RANBP2: variants seen among roughly 807,000 people sequenced by gnomAD.
The protein encoded by RANBP2 is E3 SUMO-protein ligase RanBP2.
A neutral mutation model predicts 303.6 loss-of-function variants in RANBP2; 57 were observed. That is an observed-to-expected ratio of 0.19 (90% CI 0.15 to 0.23). RANBP2 has a LOEUF of 0.23. Ranked by LOEUF, RANBP2 falls within the 10% of genes least tolerant of loss-of-function variation. RANBP2 has a pLI of 1.00. For synonymous variants in RANBP2, 1,167 were observed against 1,301.5 expected, an observed-to-expected ratio of 0.90 and a Z score of 2.23; for missense variants, 3,138 against 3,780.8, an observed-to-expected ratio of 0.83 and a Z score of 4.46.
the RANBP2 span, among the ~76,000 whole-genome samples, chr2:109,320,205 C>T: frequency 6.6e-6 from 1 of 152,170 alleles, no homozygotes; most frequent in Admixed American, 6.5e-5. Context: ...CTCTGCTCGG[C>T]TCATTGACTC....
chr2:109,218,034 G>A, the RANBP2 span, among the ~76,000 whole-genome samples: 1 of 152,192 alleles, frequency 6.6e-6, no homozygotes, highest in Non-Finnish European at 1.5e-5. Flanking sequence ...GGTGCCACAA[G>A]TGAAGCAAGT....
chr2:109,502,664 G>T, the RANBP2 span: 3 of 152,120 alleles, frequency 2.0e-5, no homozygotes, highest in Non-Finnish European at 2.9e-5. Flanking sequence ...AGACGGTGAT[G>T]ATTATTATTC....
the RANBP2 span, among the ~76,000 whole-genome samples, chr2:109,055,931 C>T: frequency 1.1e-4 from 16 of 146,598 alleles, no homozygotes; most frequent in East Asian, 6.3e-4. Flanking sequence ...AGCTAATTTT[C>T]GCATTTTTAG....
At chr2:109,240,596 T>A in the RANBP2 span, among the ~76,000 whole-genome samples, 2 of 152,022 alleles carry the variant, frequency 1.3e-5, no homozygotes, top group African/African-American at 4.8e-5. Context: ...ATAAATAGGT[T>A]TTTCATTGCT....
the RANBP2 span, among the ~76,000 whole-genome samples, chr2:109,256,921 G>A: frequency 1.1e-4 from 16 of 152,262 alleles, no homozygotes; most frequent in African/African-American, 2.6e-4. Flanking sequence ...TTTCATGAAC[G>A]GTGGTGGATG....
the RANBP2 span, among the ~76,000 whole-genome samples, chr2:109,590,561 A>C: frequency 6.6e-6 from 1 of 152,040 alleles, no homozygotes; most frequent in African/African-American, 2.4e-5. Flanking sequence ...CCTCTCGAGC[A>C]GCTAGGATTA....
the RANBP2 span, among the ~76,000 whole-genome samples, chr2:109,099,737 G>A: frequency 2.6e-5 from 4 of 152,140 alleles, no homozygotes; most frequent in African/African-American, 9.7e-5. Context: ...GCGGAGCCAG[G>A]AGTCCACATC....
At chr2:109,708,433 G>A in the RANBP2 span, among the ~76,000 whole-genome samples, 54 of 151,876 alleles carry the variant, frequency 3.6e-4, no homozygotes, top group South Asian at 9.8e-3. Flanking sequence ...AGAGGTGGGC[G>A]AATCTCTTGA....
chr2:109,571,898 CTT>C, the RANBP2 span, among the ~76,000 whole-genome samples: 80 of 152,208 alleles, frequency 5.3e-4, 6 homozygotes, highest in African/African-American at 2.4e-5. Context: ...CTGGCTAACA[CTT>C]CTTAAAGACT....
At chr2:109,313,272 C>T in the RANBP2 span, among the ~76,000 whole-genome samples, 1 of 152,222 alleles carries the variant, frequency 6.6e-6, no homozygotes, top group South Asian at 2.1e-4. Flanking sequence ...AAGGCCCAGG[C>T]CTTACCCCAA....
At chr2:109,295,551 A>G in the RANBP2 span, among the ~76,000 whole-genome samples, 157 of 152,280 alleles carry the variant, frequency 1.0e-3, no homozygotes, top group Non-Finnish European at 2.0e-3. Flanking sequence ...ATGTTGAGAG[A>G]AGGAGGTCTC....
the RANBP2 span, among the ~76,000 whole-genome samples, chr2:109,717,258 A>G: frequency 1.4e-5 from 2 of 146,240 alleles, no homozygotes; most frequent in African/African-American, 5.0e-5. Flanking sequence ...CAAAAATGAA[A>G]ATTAAAAACA....
At chr2:109,640,684 A>C in the RANBP2 span, among the ~76,000 whole-genome samples, 3 of 152,066 alleles carry the variant, frequency 2.0e-5, no homozygotes, top group Non-Finnish European at 4.4e-5. Flanking sequence ...AACTGCTCTT[A>C]GGAGTCCCGG....
chr2:108,905,151 G>A, the RANBP2 span, among the ~76,000 whole-genome samples: 1 of 152,308 alleles, frequency 6.6e-6, no homozygotes, highest in East Asian at 1.9e-4. Flanking sequence ...GGGCAGAGAG[G>A]GTGTTAAGAC....
chr2:109,321,187 A>C, the RANBP2 span, among the ~76,000 whole-genome samples: 1 of 152,258 alleles, frequency 6.6e-6, no homozygotes, highest in African/African-American at 2.4e-5. Context: ...AGCTCTTCAC[A>C]TTCTTTGAGG....
the RANBP2 span, among the ~76,000 whole-genome samples, chr2:109,450,954 G>A: frequency 3.3e-5 from 5 of 152,162 alleles, no homozygotes; most frequent in African/African-American, 1.2e-4. Context: ...TCTCTTTCTC[G>A]AGGACATTGC....
At chr2:109,677,455 C>A in the RANBP2 span, among the ~76,000 whole-genome samples, 1 of 152,222 alleles carries the variant, frequency 6.6e-6, no homozygotes. Context: ...ATGTACCCAA[C>A]AGAGCCCCTT....
the RANBP2 span, among the ~76,000 whole-genome samples, chr2:109,108,919 G>A: frequency 8.7e-5 from 13 of 149,324 alleles, no homozygotes; most frequent in East Asian, 2.1e-3. Flanking sequence ...AGGCTCAGGC[G>A]TCAGCAAGTT....
the RANBP2 span, among the ~76,000 whole-genome samples, chr2:109,078,329 T>C: frequency 1.4e-5 from 2 of 138,736 alleles, 1 homozygote; most frequent in Non-Finnish European, 3.1e-5. Flanking sequence ...AGTGGAGTAT[T>C]ATTCAGCCTT....
Sources: gnomAD v4.1 joint callset for allele counts (sites outside exome capture counted in the v4.1 genomes callset) on GRCh38, gnomAD v4.1.1 for gene constraint, MANE v1.5 for transcripts, NCBI Gene and HGNC (gene_info 2026-07-23, HGNC 2026-07-21) for gene names.